The following RP1 variants were observed in gnomAD, a reference collection of about 807,000 sequenced individuals.
RP1 encodes RP1 axonemal microtubule associated.
In RP1, 16 loss-of-function variants were observed where a neutral mutation model predicts 14.8. The observed-to-expected ratio is 1.08, with a 90% confidence interval of 0.73 to 1.65. The LOEUF (loss-of-function observed/expected upper bound fraction) is 1.65. RP1 is among the 40% of genes most tolerant of loss of function. The pLI, the probability that RP1 is intolerant of heterozygous loss-of-function variation, is 0.00. For missense variants in RP1, 2,631 were observed against 2,535.0 expected, an observed-to-expected ratio of 1.04 and a Z score of -0.81; for synonymous variants, 876 against 883.6, an observed-to-expected ratio of 0.99 and a Z score of 0.15.
chr8:54,629,735 A>G lies in RP1; in HGVS notation c.5853A>G (p.Leu1951=). The change falls in exon 4 of 4, where the codon TTA becomes TTG. Residue 1951 remains leucine (L), a synonymous_variant. Transcript: ENST00000220676. The part of the protein sequence containing the change: ...SDIENFLGFY[L]WMKIHPYLLQ... Reference sequence around the variant, plus strand: ...TTGAAAATTTCTTGGGTTTTTATTTATGGATGAAAATACACCCATATTTAC... The same window carrying G: ...TTGAAAATTTCTTGGGTTTTTATTTGTGGATGAAAATACACCCATATTTAC... 6.2e-7 allele frequency: 1 copy of G among 1,611,536 alleles called. No homozygotes were observed. Among genetic ancestry groups the G allele is most frequent in the Non-Finnish European group, 8.5e-7 (1 of 1,178,738 alleles).
chr8:54,836,552 T>C (rs1241327505), intron 24 of RP1, among the ~76,000 whole-genome samples: 8 of 152,142 alleles, frequency 5.3e-5, no homozygotes, highest in Non-Finnish European at 8.8e-5. Flanking sequence ...AACTTGGAGA[T>C]TCAGAGGGCC....
In RP1 at chr8:54,630,362, T is replaced by C. The variant is rs1406530095; in HGVS notation, c.*9T>C. The C allele has an allele frequency of 3.1e-6, 5 of 1,613,158 alleles. No individual in the cohort carries two copies. The highest frequency in any genetic ancestry group is 4.2e-6 in the Non-Finnish European group (5 of 1,179,590). ...AACAAGAAGATTTATAATTTCAATA[T>C]CAGCACACTCATTCTTTGTCAATTC... is the stretch of plus-strand genomic sequence containing the variant. On this transcript the variant is annotated 3_prime_UTR_variant, in exon 4 of 4. Coordinates refer to ENST00000220676, the MANE Select transcript of RP1 (RefSeq NM_006269.2).
chr8:54,621,662 G>A, intron 2 of RP1, 81 bp downstream of exon 2: 1 of 1,597,802 alleles, frequency 6.3e-7, no homozygotes, highest in Non-Finnish European at 8.5e-7. Context: ...ATGAATGGTG[G>A]CCCCCGGGAA....
intron 7 of RP1, among the ~76,000 whole-genome samples, chr8:54,672,240 G>A (rs758687121): frequency 5.3e-5 from 8 of 152,114 alleles, no homozygotes; most frequent in Admixed American, 1.3e-4. Context: ...ATGGCTCCAA[G>A]TCAGGGGAGA....
At chr8:54,566,169 T>TCACATA (rs1301028335) in intron 1 of RP1, among the ~76,000 whole-genome samples, 2 of 152,164 alleles carry the variant, frequency 1.3e-5, no homozygotes. Context: ...GAGCTGAGGG[T>TCACATA]TGGACTTCAA....
At chr8:54,753,587 G>C (rs575264083) in intron 19 of RP1, among the ~76,000 whole-genome samples, 1 of 152,292 alleles carries the variant, frequency 6.6e-6, no homozygotes, top group South Asian at 2.1e-4. Flanking sequence ...TGGTATGAGA[G>C]GGAATGTGGC....
chr8:54,755,780 T>C (rs1462837709), intron 21 of RP1: 2 of 1,451,958 alleles, frequency 1.4e-6, no homozygotes, highest in Admixed American at 2.7e-5. Context: ...GGTGAGTCTA[T>C]ACAAATAATT....
At chr8:54,566,002 T>C (rs1804397184) in intron 1 of RP1, among the ~76,000 whole-genome samples, 1 of 152,196 alleles carries the variant, frequency 6.6e-6, no homozygotes, top group African/African-American at 2.4e-5. Context: ...TGCCTTCATC[T>C]TCACACTGGT....
At chr8:54,571,452 C>T (rs563304965) in intron 1 of RP1, among the ~76,000 whole-genome samples, 82 of 152,326 alleles carry the variant, frequency 5.4e-4, no homozygotes, top group African/African-American at 1.9e-3. Flanking sequence ...TGTGGCCCCT[C>T]CTTCCCATGA....
intron 1 of RP1, among the ~76,000 whole-genome samples, chr8:54,610,283 T>C (rs776249558): frequency 1.3e-5 from 2 of 152,160 alleles, no homozygotes; most frequent in Non-Finnish European, 2.9e-5. Context: ...CTTTTCCTCA[T>C]AAACTCCTTT....
At chr8:54,767,413 T>C (rs1481826201) in intron 22 of RP1, among the ~76,000 whole-genome samples, 1 of 151,596 alleles carries the variant, frequency 6.6e-6, no homozygotes, top group African/African-American at 2.4e-5. Flanking sequence ...AGGCTGGAGT[T>C]CAGTGGAGCG....
intron 24 of RP1, among the ~76,000 whole-genome samples, chr8:54,822,014 C>A (rs1811266603): frequency 6.6e-6 from 1 of 152,108 alleles, no homozygotes; most frequent in African/African-American, 2.4e-5. Flanking sequence ...AGACCATCAT[C>A]ATAATAGTGA....
intron 24 of RP1, among the ~76,000 whole-genome samples, chr8:54,794,363 A>C (rs1810533425): frequency 6.6e-6 from 1 of 151,978 alleles, no homozygotes; most frequent in South Asian, 2.1e-4. Flanking sequence ...TTGGCATAAA[A>C]GTAGACACAA....
chr8:54,693,032 ATAT>A (rs1407621720), intron 12 of RP1, among the ~76,000 whole-genome samples: 138 of 152,298 alleles, frequency 9.1e-4, no homozygotes, highest in Admixed American at 2.4e-3. Flanking sequence ...AGCTTTCTAC[ATAT>A]GGCCAGCCAG....
exon 9 of RP1, chr8:54,678,515 A>C (rs1349637658): frequency 6.5e-7 from 1 of 1,534,172 alleles, no homozygotes; most frequent in Admixed American, 2.0e-5. Context: ...ACAAATTACG[A>C]ATATGCCTTC....
exon 19 of RP1, chr8:54,738,997 A>C (rs750982327): frequency 6.5e-7 from 1 of 1,531,644 alleles, no homozygotes; most frequent in East Asian, 2.4e-5. Flanking sequence ...ACATGATGGA[A>C]CCAGTGAGCA....
rs540938317 is a variant in RP1, at chr8:54,623,680, A to G, written c.788-990A>G. On this transcript the variant is annotated intron_variant, in intron 3 of 3. Transcript: ENST00000220676. ...TGTTAAAAAGATAACTGATATCTGG[A>G]CTTATGTCTAGCTCTGTTCTCTCTT... is the stretch of plus-strand genomic sequence containing the variant. 2.0e-5 allele frequency among the ~76,000 whole-genome samples: 3 copies of G among 152,340 alleles called. No individual in the cohort carries two copies. In the South Asian group the frequency reaches 6.2e-4, roughly 32 times the overall value.
rs16920579 is a variant in RP1 at position 54,594,511 on chromosome 8, G to A, written c.-12-26444G>A. Reference sequence around the variant, plus strand: ...AAGTGATATTTTGAAAAGCTCTGGAGACAATTAGGACACATCTGAATTTGT... The same window carrying A: ...AAGTGATATTTTGAAAAGCTCTGGAAACAATTAGGACACATCTGAATTTGT... On this transcript the variant is annotated intron_variant, in intron 1 of 22. Coordinates refer to the RP1 transcript ENST00000636932. 4.6e-3 allele frequency among the ~76,000 whole-genome samples: 702 copies of A among 152,312 alleles called. 9 individuals carry two copies. Among genetic ancestry groups the A allele is most frequent in the Admixed American group, 0.024 (369 of 15,300 alleles).
chr8:54,840,701 T>A (rs1409476893), intron 25 of RP1, among the ~76,000 whole-genome samples: 1 of 151,428 alleles, frequency 6.6e-6, no homozygotes, highest in East Asian at 1.9e-4. Context: ...TCCATTTAAC[T>A]TGAGCAGCAA....
Sources: gnomAD v4.1 joint callset for allele counts (sites outside exome capture counted in the v4.1 genomes callset) on GRCh38, gnomAD v4.1.1 for gene constraint, MANE v1.5 for transcripts, NCBI Gene and HGNC (gene_info 2026-07-23, HGNC 2026-07-21) for gene names.